The following UBE2W variants were observed in gnomAD, a reference collection of about 807,000 sequenced individuals.
UBE2W encodes ubiquitin-conjugating enzyme E2 W.
In UBE2W, 18 loss-of-function variants were observed where a neutral mutation model predicts 27.2. The ratio of observed to expected loss-of-function variants is 0.66; its 90% CI spans 0.46 to 0.98. The LOEUF (loss-of-function observed/expected upper bound fraction) is 0.98, where lower values mean the gene tolerates loss of function less well. UBE2W is among the 50% of genes least tolerant of loss of function. The probability of loss-of-function intolerance (pLI) is 0.00; values close to 1 mark genes in which losing one functional copy is unlikely to be tolerated. For missense variants in UBE2W, 90 were observed against 180.2 expected (o/e 0.50, Z 2.87); for synonymous variants, 53 against 57.2 (o/e 0.93, Z 0.33).
At chr8:73,877,714 AT>A (rs1812291013) in intron 1 of UBE2W, among the ~76,000 whole-genome samples, 2 of 152,218 alleles carry the variant, frequency 1.3e-5, no homozygotes, top group Non-Finnish European at 1.5e-5. Flanking sequence ...TGACACTCCT[AT>A]TGAGCGTTCT....
rs1162712227 is a variant in UBE2W, at chr8:73,805,454, C to CAAAAAAAAAAAAAAAA, written c.442+181_442+196dup. Among the ~76,000 whole-genome samples the CAAAAAAAAAAAAAAAA allele has an allele frequency of 3.8e-3, 55 of 14,572 alleles. 5 individuals are homozygous for CAAAAAAAAAAAAAAAA. Among genetic ancestry groups the CAAAAAAAAAAAAAAAA allele is most frequent in the Admixed American group, 8.4e-3 (6 of 718 alleles). 9.6% of individuals were successfully genotyped at this position (14,572 alleles called of 152,430 possible). ...GGGCAACAAGAGCAAAACTCCATCT[C>CAAAAAAAAAAAAAAAA]AAAAAAAAAAAAAAAAACAAAAAAA... On this transcript the variant is annotated intron_variant, in intron 5 of 5. Coordinates refer to ENST00000602593, the MANE Select transcript of UBE2W (RefSeq NM_018299.6).
intron 3 of UBE2W, among the ~76,000 whole-genome samples, chr8:73,815,968 ATATT>A (rs1563587320): frequency 4.6e-5 from 7 of 152,320 alleles, no homozygotes; most frequent in Non-Finnish European, 1.5e-5. Flanking sequence ...ACTAAATCAG[ATATT>A]TATGTATAAC....
At chr8:73,831,910 C>CA (rs1810081968) in intron 1 of UBE2W, 2 of 151,992 alleles carry the variant, frequency 1.3e-5, no homozygotes, top group South Asian at 4.2e-4. Context: ...ACCTGATGCT[C>CA]AAACTACAGC....
chr8:73,846,463 TA>T (rs1011870810), intron 1 of UBE2W, among the ~76,000 whole-genome samples: 4 of 152,262 alleles, frequency 2.6e-5, no homozygotes, highest in East Asian at 1.9e-4. Flanking sequence ...TTTTTAGATT[TA>T]AAAAAATTTT....
rs1044429038 is a variant in UBE2W at position 73,790,000 on chromosome 8, C to A, written c.*4102G>T. 3 of 984,932 alleles carry A rather than the reference C, an allele frequency of 3.0e-6. No individual in the cohort carries two copies. Among genetic ancestry groups the A allele is most frequent in the Admixed American group, 6.2e-5 (1 of 16,230 alleles). 61.0% of individuals were successfully genotyped at this position (984,932 alleles called of 1,614,324 possible). On this transcript the variant is annotated 3_prime_UTR_variant, in exon 6 of 6. Coordinates refer to ENST00000602593, the MANE Select transcript of UBE2W (RefSeq NM_018299.6). Reference sequence around the variant, plus strand: ...TTTCCTTAATATTAGTACTAAAGAACTAATTACAGCTAACAGCTCATTTAC... The same window carrying A: ...TTTCCTTAATATTAGTACTAAAGAAATAATTACAGCTAACAGCTCATTTAC...
At chr8:73,866,933 A>C (rs1416389879) in intron 1 of UBE2W, among the ~76,000 whole-genome samples, 2 of 150,906 alleles carry the variant, frequency 1.3e-5, no homozygotes, top group African/African-American at 4.9e-5. Flanking sequence ...TGAACCCATG[A>C]GGCAGAGGTT....
At chr8:73,831,717 T>TA (rs535684891) in intron 1 of UBE2W, 37 of 148,984 alleles carry the variant, frequency 2.5e-4, no homozygotes, top group Middle Eastern at 3.5e-3. Flanking sequence ...CTTGGCTAAT[T>TA]AAAAAAAAAA....
intron 1 of UBE2W, among the ~76,000 whole-genome samples, chr8:73,876,701 G>A (rs1812238613): frequency 1.3e-5 from 2 of 152,292 alleles, no homozygotes; most frequent in South Asian, 4.1e-4. Context: ...AGGCACGGTG[G>A]CTCACACCTG....
intron 5 of UBE2W, among the ~76,000 whole-genome samples, chr8:73,796,430 T>C (rs1808423815): frequency 6.6e-6 from 1 of 152,204 alleles, no homozygotes. Flanking sequence ...TCCAAAGACA[T>C]ACCATCTTTG....
intron 2 of UBE2W, among the ~76,000 whole-genome samples, chr8:73,829,628 T>C (rs1293204616): frequency 6.6e-6 from 1 of 152,162 alleles, no homozygotes; most frequent in African/African-American, 2.4e-5. Context: ...ATGCTTGTTC[T>C]TAAAGCTTTG....
At chr8:73,832,066 TTTGAGA>T (rs1442058752) in intron 1 of UBE2W, 9 of 151,112 alleles carry the variant, frequency 6.0e-5, no homozygotes, top group Admixed American at 5.9e-4. Flanking sequence ...AGCCCAGCAG[TTTGAGA>T]CCAGCTTGGG....
intron 5 of UBE2W, 73 bp downstream of exon 5, chr8:73,805,578 C>T (rs1808867208): frequency 1.1e-6 from 1 of 875,642 alleles, no homozygotes. Context: ...TTCTTTTTCC[C>T]AAGTCTTATA....
chr8:73,832,804 G>A (rs1293432127), intron 1 of UBE2W, among the ~76,000 whole-genome samples: 1 of 152,196 alleles, frequency 6.6e-6, no homozygotes, highest in African/African-American at 2.4e-5. Context: ...ATTTCAGATT[G>A]GGGATGCTCA....
intron 5 of UBE2W, among the ~76,000 whole-genome samples, chr8:73,801,872 A>G (rs1808660592): frequency 6.6e-6 from 1 of 152,220 alleles, no homozygotes; most frequent in South Asian, 2.1e-4. Flanking sequence ...GGGTATCTTA[A>G]TGTAAACAAA....
intron 1 of UBE2W, among the ~76,000 whole-genome samples, chr8:73,852,990 T>A (rs1034780293): frequency 6.6e-6 from 1 of 152,234 alleles, no homozygotes; most frequent in East Asian, 1.9e-4. Context: ...AAAATTCATA[T>A]GCTGAAATCT....
rs957403307 is a variant in UBE2W, at chr8:73,793,945, G to A, written c.*157C>T. 10 of 1,453,808 alleles carry A rather than the reference G, an allele frequency of 6.9e-6. No individual in the cohort carries two copies. The highest frequency in any genetic ancestry group is 3.0e-5 in the South Asian group (2 of 66,532). The allele number at this position is 1,453,808 out of a possible 1,614,324, so 90.1% of individuals were successfully genotyped here. A position where few individuals can be genotyped will look rare whatever the true frequency, so the allele number is the denominator to read the frequency against. On this transcript the variant is annotated 3_prime_UTR_variant, in exon 6 of 6. Coordinates refer to ENST00000602593, the MANE Select transcript of UBE2W (RefSeq NM_018299.6). Reference sequence around the variant, plus strand: ...TGGACTGAACCAGCGATCAACATGCGCCCAGAATGCACACGAGTAAAAATG... The same window carrying A: ...TGGACTGAACCAGCGATCAACATGCACCCAGAATGCACACGAGTAAAAATG...
intron 1 of UBE2W, among the ~76,000 whole-genome samples, chr8:73,845,392 A>T (rs1427161165): frequency 1.3e-5 from 2 of 152,194 alleles, no homozygotes; most frequent in African/African-American, 4.8e-5. Flanking sequence ...GGATGCTGTT[A>T]ATCTATAACC....
intron 1 of UBE2W, among the ~76,000 whole-genome samples, chr8:73,841,636 A>G (rs1286982329): frequency 3.9e-5 from 6 of 152,220 alleles, no homozygotes; most frequent in East Asian, 1.9e-4. Context: ...CCAAGGAAGA[A>G]TATGTTTCAA....
intron 1 of UBE2W, among the ~76,000 whole-genome samples, chr8:73,842,680 CA>C (rs1193275922): frequency 4.0e-5 from 6 of 150,890 alleles, no homozygotes; most frequent in Non-Finnish European, 8.8e-5. Context: ...TGTAATTACA[CA>C]ACATATAAAT....
Sources: allele counts gnomAD v4.1 joint callset (sites outside exome capture counted in the v4.1 genomes callset), GRCh38; gene constraint gnomAD v4.1.1; transcripts MANE v1.5; gene names NCBI Gene and HGNC (gene_info 2026-07-23, HGNC 2026-07-21).